The following AGAP1 variants were observed in gnomAD, a reference collection of about 807,000 sequenced individuals.
AGAP1 encodes the protein ArfGAP with GTPase domain, ankyrin repeat and PH domain 1.
Under a neutral mutation model 105.3 loss-of-function variants are expected in AGAP1, and 29 were observed. The observed-to-expected ratio is 0.28, with a 90% confidence interval of 0.21 to 0.38. The LOEUF (loss-of-function observed/expected upper bound fraction) is 0.38, where lower values mean the gene tolerates loss of function less well. AGAP1 is among the 10% of genes least tolerant of loss of function. AGAP1 has a pLI of 1.00. For synonymous variants in AGAP1, 509 were observed against 485.9 expected, an observed-to-expected ratio of 1.05 and a Z score of -0.63; for missense variants, 998 against 1,165.1, an observed-to-expected ratio of 0.86 and a Z score of 2.09.
rs944164138 is a variant in AGAP1, at chr2:235,556,440, A to G, written c.163+61591A>G. Among the ~76,000 whole-genome samples, 1 of 152,188 alleles carries G rather than the reference A, an allele frequency of 6.6e-6. No homozygotes were observed. The highest frequency in any genetic ancestry group is 2.4e-5 in the African/African-American group (1 of 41,462). ...GGCTGCCCACACCTAGGTCTTCAGG[A>G]TGGGACAAGGCAGTCTTGGGGGACT... On this transcript the variant is annotated intron_variant, in intron 1 of 17. Coordinates refer to ENST00000304032, the MANE Select transcript of AGAP1 (RefSeq NM_001037131.3). The surrounding 1 kb of genome is among the most constrained non-coding windows in gnomAD (Gnocchi z 5.3).
rs189494666 is a variant in AGAP1 at position 235,956,304 on chromosome 2, C to T, written c.1484-12158C>T. On this transcript the variant is annotated intron_variant, in intron 12 of 17. Coordinates refer to ENST00000304032, the MANE Select transcript of AGAP1 (RefSeq NM_001037131.3). ...ATTAATTTAAACTTTGTGCTGCTTG[C>T]ATTCAGCTAAAAATCAGCTAGAGAA... is the stretch of plus-strand genomic sequence containing the variant. 3.9e-5 allele frequency among the ~76,000 whole-genome samples: 6 copies of T among 152,318 alleles called. No individual in the cohort carries two copies. In the East Asian group the frequency reaches 1.2e-3, roughly 29 times the overall value.
At chr2:235,902,892 T>G (rs1559627396) in intron 10 of AGAP1, among the ~76,000 whole-genome samples, 1 of 152,232 alleles carries the variant, frequency 6.6e-6, no homozygotes, top group Admixed American at 6.5e-5. Context: ...TAGCACTTCT[T>G]TTTTTAAGTG....
chr2:235,775,107 C>A (rs1348811266), intron 6 of AGAP1, among the ~76,000 whole-genome samples: 1 of 152,192 alleles, frequency 6.6e-6, no homozygotes, highest in Non-Finnish European at 1.5e-5. Context: ...ATTGTCCTGT[C>A]TGCCTGCAGC....
At chr2:235,506,944 C>G (rs1941843762) in intron 1 of AGAP1, 1 of 152,822 alleles carries the variant, frequency 6.5e-6, no homozygotes, top group African/African-American at 2.4e-5. Context: ...ACATTATCGT[C>G]TCTCACAGGA....
At chr2:235,966,302 G>C (rs55822000) in intron 12 of AGAP1, among the ~76,000 whole-genome samples, 15,086 of 149,252 alleles carry the variant, frequency 0.1, 1,988 homozygotes, top group African/African-American at 0.31. Flanking sequence ...GGATGGAGAA[G>C]AGGGGGGCCT....
At chr2:235,853,610 C>T (rs1315021369) in intron 9 of AGAP1, among the ~76,000 whole-genome samples, 1 of 152,044 alleles carries the variant, frequency 6.6e-6, no homozygotes, top group African/African-American at 2.4e-5. Context: ...GACTTAAGGC[C>T]AGAATGTTTT....
chr2:236,025,196 G>C (rs2057013255), intron 13 of AGAP1, among the ~76,000 whole-genome samples: 1 of 152,188 alleles, frequency 6.6e-6, no homozygotes, highest in South Asian at 2.1e-4. Flanking sequence ...GTTTGTATTA[G>C]TGAAATGACA....
chr2:235,869,420 TAAAAAAAAAAAAAAA>T (rs35813316), intron 9 of AGAP1, among the ~76,000 whole-genome samples: 31 of 49,964 alleles, frequency 6.2e-4, no homozygotes, highest in African/African-American at 1.2e-3. Flanking sequence ...CCATCTCTAC[TAAAAAAAAAAAAAAA>T]AAAAAAAAAA....
At chr2:235,802,901 TTGTGATGG>T (rs1205069310) in intron 8 of AGAP1, among the ~76,000 whole-genome samples, 1 of 149,828 alleles carries the variant, frequency 6.7e-6, no homozygotes, top group Non-Finnish European at 1.5e-5. Context: ...GTGATGATGG[TTGTGATGG>T]TGTGATGGTT....
At chr2:235,573,043 TTC>T (rs796348254) in intron 1 of AGAP1, among the ~76,000 whole-genome samples, 498 of 16,052 alleles carry the variant, frequency 0.031, 28 homozygotes, top group African/African-American at 0.18. Flanking sequence ...CTTCTTCTTC[TTC>T]TTCTTCTTCT....
chr2:235,660,445 A>T lies in AGAP1; in HGVS notation c.164-48734A>T, dbSNP rs1230410716. On this transcript the variant is annotated intron_variant, in intron 1 of 17. Transcript: ENST00000304032. The surrounding 1 kb of genome is among the most constrained non-coding windows in gnomAD (Gnocchi z 5.3). ...ATTGATAAGGGCTTGAGGGTGAGAG[A>T]AGTTGTCCTTAACTGAAGGAGGGGG... Among the ~76,000 whole-genome samples, 1 of 152,136 alleles carries T rather than the reference A, an allele frequency of 6.6e-6. No homozygotes were observed. Among genetic ancestry groups the T allele is most frequent in the Non-Finnish European group, 1.5e-5 (1 of 68,038 alleles).
intron 1 of AGAP1, among the ~76,000 whole-genome samples, chr2:235,675,829 A>ATG: frequency 6.6e-6 from 1 of 152,158 alleles, no homozygotes; most frequent in African/African-American, 2.4e-5. Flanking sequence ...AGCATAGGTC[A>ATG]CCTGTTAACA....
chr2:235,626,490 G>T (rs1297753032), intron 1 of AGAP1, among the ~76,000 whole-genome samples: 1 of 152,284 alleles, frequency 6.6e-6, no homozygotes, highest in African/African-American at 2.4e-5. Context: ...TAATGGTGGC[G>T]TTTTTTAAAA....
intron 1 of AGAP1, among the ~76,000 whole-genome samples, chr2:235,707,587 ATGG>A (rs1559377611): frequency 2.0e-5 from 2 of 101,606 alleles, no homozygotes; most frequent in African/African-American, 7.6e-5. Flanking sequence ...AGCGTGTGAC[ATGG>A]TGGGTTGTGC....
rs1951312006 is a variant in AGAP1 at position 235,720,226 on chromosome 2, G to A, written c.310+2582G>A. ...TGCTCAGGGAGCCTGTACCTGGAAAGTGATTTCAATTTTTGTCCAGTGAGT... is the reference window on the plus strand; with the variant it reads ...TGCTCAGGGAGCCTGTACCTGGAAAATGATTTCAATTTTTGTCCAGTGAGT... On this transcript the variant is annotated intron_variant, in intron 3 of 17. Coordinates refer to ENST00000304032, the MANE Select transcript of AGAP1 (RefSeq NM_001037131.3). The surrounding 1 kb of genome is among the most constrained non-coding windows in gnomAD (Gnocchi z 5.0). Among the ~76,000 whole-genome samples, 1 of 152,222 alleles carries A rather than the reference G, an allele frequency of 6.6e-6. No homozygotes were observed. Among genetic ancestry groups the A allele is most frequent in the African/African-American group, 2.4e-5 (1 of 41,456 alleles).
At position 236,124,113 on chromosome 2, in the gene AGAP1, C is replaced by A; in HGVS notation, c.2565C>A (p.Thr855=). Residue 855 remains threonine, a synonymous_variant, in exon 18 of 18, where the codon ACC becomes ACA. Coordinates refer to ENST00000304032, the MANE Select transcript of AGAP1 (RefSeq NM_001037131.3). This position sits in a 1 kb window ranked among gnomAD's most constrained non-coding sequence, Gnocchi z 5.1. ...NRNNSSGRVP[T]II is the part of the protein sequence containing the mutation. The stretch of plus-strand genomic sequence containing the variant: ...ACAACAGCAGTGGGAGGGTGCCCAC[C>A]ATCATCTGAGGAACAGCCGTGCCCG... 6.2e-7 allele frequency: 1 copy of A among 1,613,938 alleles called. No individual in the cohort carries two copies. Among genetic ancestry groups the A allele is most frequent in the Non-Finnish European group, 8.5e-7 (1 of 1,179,928 alleles).
At chr2:236,108,069 C>A (rs2059545211) in intron 16 of AGAP1, among the ~76,000 whole-genome samples, 1 of 152,232 alleles carries the variant, frequency 6.6e-6, no homozygotes, top group African/African-American at 2.4e-5. Flanking sequence ...TGGCCAGCTT[C>A]TTAAAAGCAT....
In AGAP1 at chr2:236,087,461, A is replaced by G. The variant is rs2058961688; in HGVS notation, c.2115-32731A>G. On this transcript the variant is annotated intron_variant, in intron 16 of 17. Transcript: ENST00000304032. This position sits in a 1 kb window ranked among gnomAD's most constrained non-coding sequence, Gnocchi z 5.7. Reference sequence around the variant, plus strand: ...CCACTTCTCATGGCTCTACCACACCATCTTCCCGAGAGAGCCTGTGCCCGC... The same window carrying G: ...CCACTTCTCATGGCTCTACCACACCGTCTTCCCGAGAGAGCCTGTGCCCGC... Among the ~76,000 whole-genome samples, 1 of 152,076 alleles carries G rather than the reference A, an allele frequency of 6.6e-6. No individual in the cohort carries two copies. The highest frequency in any genetic ancestry group is 1.5e-5 in the Non-Finnish European group (1 of 68,006).
intron 1 of AGAP1, among the ~76,000 whole-genome samples, chr2:235,543,097 T>TCCCCCCCCCCCC: frequency 1.5e-5 from 1 of 66,634 alleles, no homozygotes; most frequent in Admixed American, 1.8e-4. Context: ...CTCCTCCCCC[T>TCCCCCCCCCCCC]CCCCCCCCCC....
Sources: allele counts gnomAD v4.1 joint callset (sites outside exome capture counted in the v4.1 genomes callset), GRCh38; gene constraint gnomAD v4.1.1; non-coding constraint Gnocchi (gnomAD v3.1); transcripts MANE v1.5; gene names NCBI Gene and HGNC (gene_info 2026-07-23, HGNC 2026-07-21).